Variants in PHF13 observed in about 807,000 individuals in gnomAD.
PHF13 encodes the protein PHD finger protein 13.
In PHF13, 1 loss-of-function variant was observed where a neutral mutation model predicts 25.8. That is an observed-to-expected ratio of 0.04 (90% CI 0.01 to 0.18). The LOEUF is 0.18. PHF13 is among the 10% of genes least tolerant of loss of function. The pLI is 1.00. For synonymous variants in PHF13, 195 were observed against 162.4 expected (o/e 1.20, Z -1.53); for missense variants, 306 against 403.2 (o/e 0.76, Z 2.06).
rs774025317 is a variant in PHF13, at chr1:6,621,399, C to T, written c.677-12C>T. Reference sequence around the variant, plus strand: ...ATTTCTCTTCCCTCCTTGAGAGTATCTTTCCTTCCAGATGACGATTCCTGG... The same window carrying T: ...ATTTCTCTTCCCTCCTTGAGAGTATTTTTCCTTCCAGATGACGATTCCTGG... On this transcript the variant is annotated splice_polypyrimidine_tract_variant and intron_variant, in intron 3 of 3. Transcript: ENST00000377648. The surrounding 1 kb of genome is among the most constrained non-coding windows in gnomAD (Gnocchi z 4.8). 1 of 1,613,616 alleles carries T rather than the reference C, an allele frequency of 6.2e-7. No individual in the cohort carries two copies.
In PHF13 at chr1:6,617,575, G is replaced by A. The variant is rs560217535; in HGVS notation, c.141+717G>A. Among the ~76,000 whole-genome samples, 134 of 151,896 alleles carry A rather than the reference G, an allele frequency of 8.8e-4. 1 individual carries two copies. Among genetic ancestry groups the A allele is most frequent in the African/African-American group, 2.9e-3 (118 of 41,396 alleles). On this transcript the variant is annotated intron_variant, in intron 2 of 3. Coordinates refer to ENST00000377648, the MANE Select transcript of PHF13 (RefSeq NM_153812.3). ...GTCTCAGCCTCATGAGTAGCTGGGC[G>A]CGCCACCACACCCAGCTAGTTTTTT...
At chr1:6,614,949 C>T (rs1641236793) in intron 1 of PHF13, among the ~76,000 whole-genome samples, 1 of 151,442 alleles carries the variant, frequency 6.6e-6, no homozygotes, top group African/African-American at 2.4e-5. Context: ...GTCTCGCTGC[C>T]GCCCCCGGGG....
intron 1 of PHF13, among the ~76,000 whole-genome samples, chr1:6,615,415 GGGTGGGA>G (rs1395252424): frequency 1.3e-5 from 2 of 152,234 alleles, no homozygotes; most frequent in Non-Finnish European, 2.9e-5. Context: ...GGGTCCAAGG[GGGTGGGA>G]GAGGAGAAGG....
At chr1:6,620,362 A>T in intron 3 of PHF13, 25 bp downstream of exon 3, 1 of 1,596,750 alleles carries the variant, frequency 6.3e-7, no homozygotes, top group South Asian at 1.1e-5. Context: ...AAGGATGATG[A>T]CCCTTGTTGG....
chr1:6,622,645 C>A lies in PHF13; in HGVS notation c.*1008C>A. On this transcript the variant is annotated 3_prime_UTR_variant, in exon 4 of 4. Coordinates refer to ENST00000377648, the MANE Select transcript of PHF13 (RefSeq NM_153812.3). ...GACTCTTGTGTGCCCTTTAGACAGG[C>A]TGGCCTGCCGGTTCCACAGGGTACA... 1 of 152,344 alleles carries A rather than the reference C, an allele frequency of 6.6e-6. No individual in the cohort carries two copies. The highest frequency in any genetic ancestry group is 1.5e-5 in the Non-Finnish European group (1 of 68,096). 9.4% of individuals were successfully genotyped at this position (152,344 alleles called of 1,614,324 possible). A position where few individuals can be genotyped will look rare whatever the true frequency, so the allele number is the denominator to read the frequency against.
rs866696111 is a variant in PHF13 at position 6,623,432 on chromosome 1, C to T, written c.*1795C>T. 1.3e-5 allele frequency: 2 copies of T among 152,544 alleles called. No homozygotes were observed. Among genetic ancestry groups the T allele is most frequent in the Non-Finnish European group, 2.9e-5 (2 of 68,026 alleles). 9.4% of individuals were successfully genotyped at this position (152,544 alleles called of 1,614,324 possible). A position where few individuals can be genotyped will look rare whatever the true frequency, so the allele number is the denominator to read the frequency against. Reference sequence around the variant, plus strand: ...CATTGGAGAGGAATTTGCCAAAGATCTACCCTGAGATAACGCCTGTCCAGT... The same window carrying T: ...CATTGGAGAGGAATTTGCCAAAGATTTACCCTGAGATAACGCCTGTCCAGT... On this transcript the variant is annotated 3_prime_UTR_variant, in exon 4 of 4. Coordinates refer to ENST00000377648, the MANE Select transcript of PHF13 (RefSeq NM_153812.3).
chr1:6,616,542 T>G (rs551345428), intron 1 of PHF13, among the ~76,000 whole-genome samples: 1 of 152,194 alleles, frequency 6.6e-6, no homozygotes, highest in Non-Finnish European at 1.5e-5. Context: ...TTCCCAGCAT[T>G]CTTGGCATAA....
In PHF13 at chr1:6,623,336, C is replaced by T. The variant is rs1641374531; in HGVS notation, c.*1699C>T. ...TGAAGCCAGTTTATTGTGAAGATCC[C>T]CAAGGGGGAGGTTCGGTAGAGAAAA... On this transcript the variant is annotated 3_prime_UTR_variant, in exon 4 of 4. Transcript: ENST00000377648. 6.6e-6 allele frequency: 1 copy of T among 152,460 alleles called. No homozygotes were observed. The highest frequency in any genetic ancestry group is 1.5e-5 in the Non-Finnish European group (1 of 68,014). The allele number at this position is 152,460 out of a possible 1,614,324, so 9.4% of individuals were successfully genotyped here.
rs1641361352 is a variant in PHF13 at position 6,622,854 on chromosome 1, T to C, written c.*1217T>C. ...ACCTGGGAGTTGATGCCGGAGGCTG[T>C]GGAAGAACTCTGCTCGAGGGCAGGG... On this transcript the variant is annotated 3_prime_UTR_variant, in exon 4 of 4. Transcript: ENST00000377648. 1.3e-5 allele frequency: 2 copies of C among 151,542 alleles called. No individual in the cohort carries two copies. The highest frequency in any genetic ancestry group is 4.9e-5 in the African/African-American group (2 of 41,192). The allele number at this position is 151,542 out of a possible 1,614,324, so 9.4% of individuals were successfully genotyped here.
At chr1:6,618,118 A>G (rs1228166363) in intron 2 of PHF13, among the ~76,000 whole-genome samples, 1 of 152,024 alleles carries the variant, frequency 6.6e-6, no homozygotes, top group Non-Finnish European at 1.5e-5. Context: ...GTATTCGATT[A>G]AGCTCAAAAT....
chr1:6,614,139 C>G lies in PHF13; in HGVS notation c.39+34C>G, dbSNP rs1471617529. ...AGCTGTGCGTCCGAATCGCCCCCGA[C>G]CACCCCCTCCGCGATCCTGCCGTCC... On this transcript the variant is annotated intron_variant, in intron 1 of 3. Coordinates refer to ENST00000377648, the MANE Select transcript of PHF13 (RefSeq NM_153812.3). 3.1e-6 allele frequency: 5 copies of G among 1,591,372 alleles called. No homozygotes were observed. In the Middle Eastern group the frequency reaches 5.1e-4, roughly 162 times the overall value.
intron 1 of PHF13, among the ~76,000 whole-genome samples, chr1:6,616,432 T>C (rs1405671911): frequency 1.3e-5 from 2 of 152,214 alleles, no homozygotes; most frequent in Admixed American, 6.6e-5. Context: ...TTATTAGAGC[T>C]TCGCCTGATA....
rs1329323783 is a variant in PHF13 at position 6,613,890 on chromosome 1, C to T, written c.-177C>T. 5.7e-6 allele frequency: 3 copies of T among 526,190 alleles called. No homozygotes were observed. Among genetic ancestry groups the T allele is most frequent in the South Asian group, 4.8e-5 (2 of 41,864 alleles). 32.6% of individuals were successfully genotyped at this position (526,190 alleles called of 1,614,324 possible). On this transcript the variant is annotated 5_prime_UTR_variant, in exon 1 of 4. Coordinates refer to ENST00000377648, the MANE Select transcript of PHF13 (RefSeq NM_153812.3). Reference sequence around the variant, plus strand: ...CCGGTCGGCGGTGGAACCGCCAGTCCGGGGTCACAGAGCTTGAGAAGCGAC... The same window carrying T: ...CCGGTCGGCGGTGGAACCGCCAGTCTGGGGTCACAGAGCTTGAGAAGCGAC...
chr1:6,614,061 C>T lies in PHF13; in HGVS notation c.-6C>T, dbSNP rs369459524. On this transcript the variant is annotated 5_prime_UTR_variant, in exon 1 of 4. Coordinates refer to ENST00000377648, the MANE Select transcript of PHF13 (RefSeq NM_153812.3). ...CTCGCAGCCGCCGCCGCCCCCCGCC[C>T]GGAACATGGACTCTGACTCTTGCGC... The T allele has an allele frequency of 9.4e-6, 15 of 1,593,776 alleles. No individual in the cohort carries two copies. Among genetic ancestry groups the T allele is most frequent in the African/African-American group, 2.8e-5 (2 of 71,748 alleles).
At chr1:6,620,388 G>A (rs1281297443) in intron 3 of PHF13, 51 bp downstream of exon 3, 4 of 1,550,592 alleles carry the variant, frequency 2.6e-6, no homozygotes, top group Middle Eastern at 1.7e-4. Flanking sequence ...GGTTAGAAGA[G>A]AGGTTATTTT....
chr1:6,613,994 C>T lies in PHF13; in HGVS notation c.-73C>T. 4 of 1,195,642 alleles carry T rather than the reference C, an allele frequency of 3.3e-6. No individual in the cohort carries two copies. Among genetic ancestry groups the T allele is most frequent in the African/African-American group, 3.2e-5 (2 of 63,290 alleles). The allele number at this position is 1,195,642 out of a possible 1,614,324, so 74.1% of individuals were successfully genotyped here. ...CGCCCTGCGCAGCCGCCCGAGCCCC[C>T]AGCCCCGGGCGGCCCCGCTCCAGCA... On this transcript the variant is annotated 5_prime_UTR_variant, in exon 1 of 4. Coordinates refer to ENST00000377648, the MANE Select transcript of PHF13 (RefSeq NM_153812.3).
intron 1 of PHF13, among the ~76,000 whole-genome samples, chr1:6,614,860 C>G (rs1017889152): frequency 6.6e-6 from 1 of 151,422 alleles, no homozygotes; most frequent in Non-Finnish European, 1.5e-5. Flanking sequence ...TCCCCCCAGC[C>G]GAGGCTCGTT....
intron 2 of PHF13, 117 bp downstream of exon 2, chr1:6,616,975 GTGGTGA>G (rs1274955335): frequency 3.9e-5 from 30 of 772,420 alleles, no homozygotes; most frequent in Middle Eastern, 2.6e-4. Context: ...GGGGCTGCTT[GTGGTGA>G]CCCCAGTCAC....
rs1407816255 is a variant in PHF13 at position 6,624,013 on chromosome 1, AT to A, written c.*2378del. The A allele has an allele frequency of 6.6e-6, 1 of 152,566 alleles. No homozygotes were observed. Among genetic ancestry groups the A allele is most frequent in the Non-Finnish European group, 1.5e-5 (1 of 68,044 alleles). The allele number at this position is 152,566 out of a possible 1,614,324, so 9.5% of individuals were successfully genotyped here. A position where few individuals can be genotyped will look rare whatever the true frequency, so the allele number is the denominator to read the frequency against. The stretch of plus-strand genomic sequence containing the variant: ...AGGTTCATGATTCAAGGTTCAGGCG[AT>A]TGCGTTCTGTGCTGAAGGACAATTG... On this transcript the variant is annotated 3_prime_UTR_variant, in exon 4 of 4. Coordinates refer to ENST00000377648, the MANE Select transcript of PHF13 (RefSeq NM_153812.3).
Sources: allele counts gnomAD v4.1 joint callset (sites outside exome capture counted in the v4.1 genomes callset), GRCh38; gene constraint gnomAD v4.1.1; non-coding constraint Gnocchi (gnomAD v3.1); transcripts MANE v1.5; gene names NCBI Gene and HGNC (gene_info 2026-07-23, HGNC 2026-07-21).